Variants in PRR16 observed in about 807,000 individuals in gnomAD.
PRR16 encodes proline rich 16.
In PRR16, 6 loss-of-function variants were observed where a neutral mutation model predicts 18.2. The observed-to-expected ratio is 0.33, with a 90% confidence interval of 0.18 to 0.65. The LOEUF (loss-of-function observed/expected upper bound fraction) is 0.65, where lower values mean the gene tolerates loss of function less well. Ranked by LOEUF, PRR16 falls within the 30% of genes least tolerant of loss-of-function variation. The probability of loss-of-function intolerance (pLI) is 0.74; values close to 1 mark genes in which losing one functional copy is unlikely to be tolerated. For missense variants in PRR16, 412 were observed against 376.6 expected (o/e 1.09, Z -0.78); for synonymous variants, 151 against 147.8 (o/e 1.02, Z -0.16).
chr5:120,616,668 G>A (rs1754520306), intron 1 of PRR16, among the ~76,000 whole-genome samples: 1 of 152,120 alleles, frequency 6.6e-6, no homozygotes, highest in African/African-American at 2.4e-5. Context: ...CCTGATGACT[G>A]TCCTTAGAGC....
intron 1 of PRR16, among the ~76,000 whole-genome samples, chr5:120,527,114 A>G (rs1751397565): frequency 6.6e-6 from 1 of 152,114 alleles, no homozygotes; most frequent in Non-Finnish European, 1.5e-5. Context: ...TCAAGTAGGG[A>G]TCAGCAAACC....
the PRR16 span, among the ~76,000 whole-genome samples, chr5:120,714,299 T>C: frequency 2.0e-5 from 3 of 152,188 alleles, no homozygotes; most frequent in Admixed American, 6.5e-5. Context: ...AAAGAAGGTA[T>C]TGTGATCAAA....
chr5:120,551,084 A>G (rs1298538995), intron 1 of PRR16, among the ~76,000 whole-genome samples: 1 of 151,998 alleles, frequency 6.6e-6, no homozygotes, highest in Non-Finnish European at 1.5e-5. Flanking sequence ...TAAAAATTTC[A>G]ACTGTATAAT....
intron 1 of PRR16, among the ~76,000 whole-genome samples, chr5:120,563,430 C>G (rs1295708451): frequency 6.6e-6 from 1 of 152,200 alleles, no homozygotes; most frequent in African/African-American, 2.4e-5. Context: ...TTTACTAAAG[C>G]TAAGCTGGCA....
intron 1 of PRR16, among the ~76,000 whole-genome samples, chr5:120,523,325 G>C (rs1235277931): frequency 6.6e-6 from 1 of 152,146 alleles, no homozygotes; most frequent in Non-Finnish European, 1.5e-5. Context: ...TTTTGTTAGA[G>C]TAATTTAGTT....
intron 1 of PRR16, among the ~76,000 whole-genome samples, chr5:120,580,412 C>T (rs891651172): frequency 6.6e-6 from 1 of 151,196 alleles, no homozygotes; most frequent in South Asian, 2.1e-4. Flanking sequence ...TCCATCAATA[C>T]CTAGTTAATT....
intron 1 of PRR16, among the ~76,000 whole-genome samples, chr5:120,507,905 C>T (rs929476222): frequency 6.6e-6 from 1 of 152,084 alleles, no homozygotes; most frequent in Non-Finnish European, 1.5e-5. Context: ...CAAAGCAGTG[C>T]ATTTATAACA....
At chr5:120,709,773 A>C in the PRR16 span, among the ~76,000 whole-genome samples, 2 of 152,166 alleles carry the variant, frequency 1.3e-5, no homozygotes, top group African/African-American at 4.8e-5. Context: ...CACTTGACAT[A>C]ATAATCTCCA....
Position 120,469,496 on chromosome 5 carries a change from A to AT in PRR16, c.159+4864dup, listed in dbSNP as rs112912445. Among the ~76,000 whole-genome samples the AT allele has an allele frequency of 2.2e-3, 327 of 146,902 alleles. 1 individual carries two copies. The highest frequency in any genetic ancestry group is 6.0e-3 in the African/African-American group (239 of 40,160). ...CGCCGCCATGCCTGGCTAATTTTTA[A>AT]TTTTTTTTTTTTTGATAGAGATGGT... On this transcript the variant is annotated intron_variant, in intron 1 of 1. Coordinates refer to ENST00000407149, the MANE Select transcript of PRR16 (RefSeq NM_001300783.2).
intron 1 of PRR16, among the ~76,000 whole-genome samples, chr5:120,500,478 G>A (rs1027325075): frequency 2.0e-5 from 3 of 152,276 alleles, no homozygotes; most frequent in Admixed American, 2.0e-4. Flanking sequence ...TCTGGAAGCA[G>A]AATCGTTAAT....
chr5:120,777,521 C>A, the PRR16 span, among the ~76,000 whole-genome samples: 1 of 152,016 alleles, frequency 6.6e-6, no homozygotes, highest in Non-Finnish European at 1.5e-5. Flanking sequence ...GCTCACTTTT[C>A]CCTATTCTCA....
chr5:120,745,676 A>G, the PRR16 span, among the ~76,000 whole-genome samples: 2 of 150,756 alleles, frequency 1.3e-5, no homozygotes, highest in African/African-American at 4.9e-5. Flanking sequence ...TTAGCCTTGT[A>G]TTTATTTTAT....
the PRR16 span, among the ~76,000 whole-genome samples, chr5:120,792,371 CT>C: frequency 6.6e-6 from 1 of 152,092 alleles, no homozygotes; most frequent in East Asian, 1.9e-4. Context: ...TGTTTTTTCT[CT>C]TAAGTTTTGA....
At chr5:120,563,961 C>T (rs929825398) in intron 1 of PRR16, among the ~76,000 whole-genome samples, 1 of 152,134 alleles carries the variant, frequency 6.6e-6, no homozygotes, top group African/African-American at 2.4e-5. Flanking sequence ...CTTTAGTCAG[C>T]CAGTGATGAA....
the PRR16 span, among the ~76,000 whole-genome samples, chr5:120,705,299 A>G: frequency 0.067 from 10,196 of 152,180 alleles, 364 homozygotes; most frequent in South Asian, 0.087. Flanking sequence ...AAACTATCCA[A>G]TAAAATATCC....
intron 1 of PRR16, among the ~76,000 whole-genome samples, chr5:120,638,690 G>A (rs893814626): frequency 1.4e-4 from 21 of 152,052 alleles, no homozygotes; most frequent in African/African-American, 4.6e-4. Flanking sequence ...ACAGATTCAC[G>A]CACAGGCAAA....
the PRR16 span, among the ~76,000 whole-genome samples, chr5:120,696,215 C>T: frequency 6.6e-6 from 1 of 152,036 alleles, no homozygotes; most frequent in Non-Finnish European, 1.5e-5. Flanking sequence ...GCACTCCAGC[C>T]TGAGTGACAG....
chr5:120,693,255 G>C, the PRR16 span, among the ~76,000 whole-genome samples: 11 of 152,198 alleles, frequency 7.2e-5, no homozygotes, highest in African/African-American at 2.6e-4. Context: ...AACCAGGTTT[G>C]AGATTTGGTT....
the PRR16 span, among the ~76,000 whole-genome samples, chr5:120,744,826 G>A: frequency 6.6e-6 from 1 of 152,066 alleles, no homozygotes; most frequent in Non-Finnish European, 1.5e-5. Context: ...GCATGTATTT[G>A]AGGAAAAGGG....
Sources: gnomAD v4.1 joint callset for allele counts (sites outside exome capture counted in the v4.1 genomes callset) on GRCh38, gnomAD v4.1.1 for gene constraint, MANE v1.5 for transcripts, NCBI Gene and HGNC (gene_info 2026-07-23, HGNC 2026-07-21) for gene names.